LAMB4: variants seen among roughly 807,000 people sequenced by gnomAD.
The protein encoded by LAMB4 is laminin subunit beta-4.
A neutral mutation model predicts 199.2 loss-of-function variants in LAMB4; 196 were observed. That is an observed-to-expected ratio of 0.98 (90% CI 0.88 to 1.11). LAMB4 has a LOEUF of 1.11. Ranked by LOEUF, LAMB4 falls within the 50% of genes least tolerant of loss-of-function variation. The pLI is 0.00. For synonymous variants in LAMB4, 744 were observed against 770.6 expected (o/e 0.97, Z 0.57); for missense variants, 2,080 against 2,171.2 (o/e 0.96, Z 0.83).
intron 4 of LAMB4, among the ~76,000 whole-genome samples, chr7:108,110,348 A>C (rs540450363): frequency 6.6e-6 from 1 of 152,284 alleles, no homozygotes; most frequent in South Asian, 2.1e-4. Flanking sequence ...GTGATTCTTT[A>C]TTATACATTT....
chr7:108,095,643 C>T (rs1430769856), intron 11 of LAMB4, among the ~76,000 whole-genome samples: 4 of 152,166 alleles, frequency 2.6e-5, no homozygotes, highest in Non-Finnish European at 5.9e-5. Flanking sequence ...TGATGCTGAC[C>T]AGGCTGGTGA....
At chr7:108,046,537 C>G (rs1028245772) in intron 28 of LAMB4, among the ~76,000 whole-genome samples, 6 of 151,828 alleles carry the variant, frequency 4.0e-5, no homozygotes, top group African/African-American at 1.5e-4. Flanking sequence ...GATTGGGGAG[C>G]ACACCACTAT....
rs746716658 is a variant in LAMB4, at chr7:108,104,484, C to T, written c.991+15G>A. Reference sequence around the variant, plus strand: ...GAGCACACTCAGTCTATGCAGGGAACTGAGTTTCACCCACATCTGCAAGCG... The same window carrying T: ...GAGCACACTCAGTCTATGCAGGGAATTGAGTTTCACCCACATCTGCAAGCG... On this transcript the variant is annotated intron_variant, in intron 9 of 33. Coordinates refer to ENST00000388781, the MANE Select transcript of LAMB4 (RefSeq NM_007356.3). 12 of 1,614,008 alleles carry T rather than the reference C, an allele frequency of 7.4e-6. No homozygotes were observed. The South Asian group carries it at 1.3e-4, about 18-fold the overall frequency.
intron 18 of LAMB4, 135 bp downstream of exon 18, chr7:108,069,573 C>T: frequency 1.3e-6 from 1 of 740,820 alleles, no homozygotes; most frequent in East Asian, 2.5e-5. Context: ...CAGCAGACCA[C>T]TCTGTGTATC....
chr7:108,116,701 A>G (rs1236132174), intron 2 of LAMB4, among the ~76,000 whole-genome samples: 1 of 152,218 alleles, frequency 6.6e-6, no homozygotes, highest in African/African-American at 2.4e-5. Flanking sequence ...GGGAAATCCT[A>G]AACTCAATTT....
chr7:108,063,833 T>G lies in LAMB4; in HGVS notation c.2989A>C (p.Asn997His). ...AGCTGGCAGTTTGCGCCCTGAGTGTTGTGCAAACATCGAAGGCACTCCCCT... is the reference window on the plus strand; with the variant it reads ...AGCTGGCAGTTTGCGCCCTGAGTGTGGTGCAAACATCGAAGGCACTCCCCT... ...VTGECLRCLHNTQGANCQLCK... is the reference protein window; with the variant it reads ...VTGECLRCLHHTQGANCQLCK... Residue 997 changes from asparagine to histidine, a missense_variant, in exon 22 of 34, where the codon AAC (asparagine) becomes CAC (histidine). Coordinates refer to ENST00000388781, the MANE Select transcript of LAMB4 (RefSeq NM_007356.3). 6.2e-7 allele frequency: 1 copy of G among 1,614,192 alleles called. No homozygotes were observed. The highest frequency in any genetic ancestry group is 8.5e-7 in the Non-Finnish European group (1 of 1,180,032).
chr7:108,081,603 G>C (rs1156596362), intron 14 of LAMB4, among the ~76,000 whole-genome samples: 1 of 152,210 alleles, frequency 6.6e-6, no homozygotes, highest in Admixed American at 6.5e-5. Context: ...TTACCTAAAA[G>C]TAGATCCTAA....
rs192937175 is a variant in LAMB4 at position 108,109,308 on chromosome 7, T to A, written c.329-64A>T. Reference sequence around the variant, plus strand: ...GAGAGACTTCTGCTTATCATGTTAATTCCCCATTGTGGCTTATCTGTAATA... The same window carrying A: ...GAGAGACTTCTGCTTATCATGTTAAATCCCCATTGTGGCTTATCTGTAATA... On this transcript the variant is annotated intron_variant, in intron 4 of 33. Transcript: ENST00000388781. The A allele has an allele frequency of 1.1e-4, 131 of 1,147,982 alleles. No homozygotes were observed. The East Asian group carries it at 2.0e-3, about 18-fold the overall frequency. The allele number at this position is 1,147,982 out of a possible 1,614,324, so 71.1% of individuals were successfully genotyped here.
rs147404689 is a variant in LAMB4, at chr7:108,062,178, T to C, written c.3282+596A>G. On this transcript the variant is annotated intron_variant, in intron 23 of 33. Coordinates refer to ENST00000388781, the MANE Select transcript of LAMB4 (RefSeq NM_007356.3). Reference sequence around the variant, plus strand: ...AATGTTATCCTCATTAAAAATTCTGTGCCCACTGGTTTATTGACTGAAAAA... The same window carrying C: ...AATGTTATCCTCATTAAAAATTCTGCGCCCACTGGTTTATTGACTGAAAAA... Among the ~76,000 whole-genome samples, 273 of 152,348 alleles carry C rather than the reference T, an allele frequency of 1.8e-3. 1 individual carries two copies. Among genetic ancestry groups the C allele is most frequent in the African/African-American group, 6.4e-3 (266 of 41,588 alleles).
intron 25 of LAMB4, among the ~76,000 whole-genome samples, chr7:108,053,090 T>C (rs951721051): frequency 6.6e-6 from 1 of 152,154 alleles, no homozygotes; most frequent in African/African-American, 2.4e-5. Context: ...CTAACAATAA[T>C]AACAATAAAA....
rs534636849 is a variant in LAMB4, at chr7:108,120,382, C to A, written c.34+2749G>T. Among the ~76,000 whole-genome samples the A allele has an allele frequency of 6.6e-5, 10 of 152,248 alleles. No individual in the cohort carries two copies. In the East Asian group the frequency reaches 1.5e-3, roughly 23 times the overall value. ...ATGTAACAGACATGGATCATAAGTT[C>A]TACAGCTAAGAACATGATAATGTCT... On this transcript the variant is annotated intron_variant, in intron 2 of 33. Coordinates refer to ENST00000388781, the MANE Select transcript of LAMB4 (RefSeq NM_007356.3).
intron 11 of LAMB4, among the ~76,000 whole-genome samples, chr7:108,097,335 C>G (rs915806834): frequency 6.6e-6 from 1 of 152,188 alleles, no homozygotes; most frequent in Non-Finnish European, 1.5e-5. Context: ...GATCCTATAG[C>G]TAAGGGTCTG....
At chr7:108,057,718 C>A in intron 24 of LAMB4, 114 bp downstream of exon 24, 1 of 650,406 alleles carries the variant, frequency 1.5e-6, no homozygotes, top group East Asian at 2.7e-5. Context: ...TTTTCTAAGT[C>A]CACCTTATTA....
In LAMB4 at chr7:108,052,180, G is replaced by C. The variant is rs2035847671; in HGVS notation, c.3833C>G (p.Ala1278Gly). ...FQDLKDTIERAKNEADLLLED... is the reference protein window; with the variant it reads ...FQDLKDTIERGKNEADLLLED... ...AAGTAAGAGGTCTGCTTCATTCTTT[G>C]CTCTTTCTATTGTATCTTTCAGATC... Residue 1278 changes from alanine (A) to glycine (G), a missense_variant, in exon 26 of 34, where the codon GCA becomes GGA. Coordinates refer to ENST00000388781, the MANE Select transcript of LAMB4 (RefSeq NM_007356.3). 1 of 1,611,730 alleles carries C rather than the reference G, an allele frequency of 6.2e-7. No individual in the cohort carries two copies. The highest frequency in any genetic ancestry group is 1.3e-5 in the African/African-American group (1 of 74,968).
intron 33 of LAMB4, chr7:108,026,898 C>T (rs2034857558): frequency 1.9e-6 from 1 of 517,660 alleles, no homozygotes; most frequent in Non-Finnish European, 3.9e-6. Flanking sequence ...TTCTATCTTG[C>T]TGAGTTCTGA....
intron 25 of LAMB4, among the ~76,000 whole-genome samples, chr7:108,054,515 C>G (rs73195593): frequency 6.6e-6 from 1 of 152,196 alleles, no homozygotes; most frequent in Non-Finnish European, 1.5e-5. Context: ...TAATCCAGGA[C>G]CTTTTCTTGG....
rs868026240 is a variant in LAMB4 at position 108,126,655 on chromosome 7, C to T, written c.-33-3458G>A. ...TCTCGGCTCACTGCAAGCTCCGCTTCCCGGGTTCACGCCATTCTCCTGCCT... is the reference window on the plus strand; with the variant it reads ...TCTCGGCTCACTGCAAGCTCCGCTTTCCGGGTTCACGCCATTCTCCTGCCT... On this transcript the variant is annotated intron_variant, in intron 1 of 33. Coordinates refer to ENST00000388781, the MANE Select transcript of LAMB4 (RefSeq NM_007356.3). Among the ~76,000 whole-genome samples the T allele has an allele frequency of 2.3e-3, 337 of 147,322 alleles. 1 individual carries two copies. The highest frequency in any genetic ancestry group is 7.8e-3 in the African/African-American group (306 of 39,164).
intron 21 of LAMB4, among the ~76,000 whole-genome samples, chr7:108,064,623 G>C (rs1462477127): frequency 3.3e-5 from 5 of 152,152 alleles, no homozygotes; most frequent in Non-Finnish European, 5.9e-5. Context: ...ACTTGGAAAT[G>C]TTCACTTAGC....
At chr7:108,074,852 G>A (rs2036644333) in intron 17 of LAMB4, among the ~76,000 whole-genome samples, 1 of 152,108 alleles carries the variant, frequency 6.6e-6, no homozygotes, top group South Asian at 2.1e-4. Context: ...CAGTGAATGG[G>A]TGATGAGTGG....
Sources: allele counts gnomAD v4.1 joint callset (sites outside exome capture counted in the v4.1 genomes callset), GRCh38; gene constraint gnomAD v4.1.1; transcripts MANE v1.5; gene names NCBI Gene and HGNC (gene_info 2026-07-23, HGNC 2026-07-21).